MREG: variants seen among roughly 807,000 people sequenced by gnomAD.
MREG encodes the protein melanoregulin, also known as dilute suppressor protein homolog.
In MREG, 31 loss-of-function variants were observed where a neutral mutation model predicts 28.5. The observed-to-expected ratio is 1.09, with a 90% CI of 0.82 to 1.47. The LOEUF (loss-of-function observed/expected upper bound fraction) is 1.47, where lower values mean the gene tolerates loss of function less well. Ranked by LOEUF, MREG falls within the 40% of genes most tolerant of loss-of-function variation. MREG has a pLI of 0.00. For synonymous variants in MREG, 106 were observed against 95.2 expected (o/e 1.11, Z -0.66); for missense variants, 256 against 257.4 (o/e 0.99, Z 0.04).
chr2:215,998,490 G>C (rs1250143379), intron 1 of MREG, among the ~76,000 whole-genome samples: 1 of 152,120 alleles, frequency 6.6e-6, no homozygotes, highest in Non-Finnish European at 1.5e-5. Context: ...TGAAATCCTT[G>C]TGGCTGCAGG....
intron 2 of MREG, among the ~76,000 whole-genome samples, chr2:215,967,344 CTAGT>C (rs1692969694): frequency 2.0e-5 from 3 of 152,204 alleles, no homozygotes; most frequent in Non-Finnish European, 4.4e-5. Flanking sequence ...CAGAGTGGCA[CTAGT>C]CCAAGACAGG....
chr2:215,959,460 A>G (rs1692721215), intron 2 of MREG, among the ~76,000 whole-genome samples: 1 of 152,120 alleles, frequency 6.6e-6, no homozygotes, highest in African/African-American at 2.4e-5. Context: ...CCTCTGCACA[A>G]GATTCTTACT....
At chr2:215,964,581 C>T (rs1313849448) in intron 2 of MREG, among the ~76,000 whole-genome samples, 1 of 152,146 alleles carries the variant, frequency 6.6e-6, no homozygotes, top group Non-Finnish European at 1.5e-5. Context: ...ATAATATCCA[C>T]CCTATAATAA....
chr2:216,006,827 A>G (rs1472807238), intron 1 of MREG, among the ~76,000 whole-genome samples: 1 of 152,196 alleles, frequency 6.6e-6, no homozygotes, highest in Non-Finnish European at 1.5e-5. Flanking sequence ...TCCCTTTTAC[A>G]TGTTGTGAGC....
intron 2 of MREG, among the ~76,000 whole-genome samples, chr2:215,969,165 C>T (rs1214604025): frequency 1.3e-5 from 2 of 152,168 alleles, no homozygotes; most frequent in African/African-American, 4.8e-5. Flanking sequence ...GCAGCTTCTC[C>T]AAAGATGTCT....
chr2:215,974,852 A>ACACACACACACACACACACT (rs1553550318), intron 2 of MREG, among the ~76,000 whole-genome samples: 9 of 107,536 alleles, frequency 8.4e-5, no homozygotes, highest in Non-Finnish European at 1.6e-4. Context: ...ACACACACAC[A>ACACACACACACACACACACT]CTCTCTCTCT....
chr2:215,988,700 G>A (rs921465911), intron 2 of MREG, among the ~76,000 whole-genome samples: 3 of 152,216 alleles, frequency 2.0e-5, no homozygotes, highest in Non-Finnish European at 4.4e-5. Context: ...GCTCGAGCTT[G>A]GTTGGGGGAG....
At chr2:215,967,826 C>T (rs1692985974) in intron 2 of MREG, among the ~76,000 whole-genome samples, 1 of 152,070 alleles carries the variant, frequency 6.6e-6, no homozygotes, top group South Asian at 2.1e-4. Context: ...GGATTTGGCC[C>T]ATGTGTCATA....
chr2:215,949,068 ACTACTACTACTACTAC>A (rs1559173460), intron 2 of MREG, among the ~76,000 whole-genome samples: 66 of 140,624 alleles, frequency 4.7e-4, no homozygotes, highest in Middle Eastern at 3.6e-3. Context: ...TACTACTACT[ACTACTACTACTACTAC>A]TACTAATAAT....
At chr2:215,972,852 T>G (rs992726508) in intron 2 of MREG, among the ~76,000 whole-genome samples, 2 of 152,212 alleles carry the variant, frequency 1.3e-5, no homozygotes, top group African/African-American at 4.8e-5. Flanking sequence ...CAGGTTCCTC[T>G]TCCAAAATTG....
At chr2:216,021,142 T>G (rs1694514159) in intron 1 of MREG, among the ~76,000 whole-genome samples, 1 of 152,180 alleles carries the variant, frequency 6.6e-6, no homozygotes, top group Non-Finnish European at 1.5e-5. Flanking sequence ...TTTTTAGTAT[T>G]TGTCGGGCTT....
At chr2:215,978,221 A>C (rs1693310712) in intron 2 of MREG, among the ~76,000 whole-genome samples, 1 of 152,212 alleles carries the variant, frequency 6.6e-6, no homozygotes, top group Non-Finnish European at 1.5e-5. Context: ...ATCCCACAGA[A>C]ATACAAACTA....
At chr2:215,949,817 T>C (rs1692439683) in intron 2 of MREG, among the ~76,000 whole-genome samples, 1 of 152,240 alleles carries the variant, frequency 6.6e-6, no homozygotes, top group African/African-American at 2.4e-5. Flanking sequence ...ACATACAGGA[T>C]TTCACAAGCA....
chr2:215,964,116 A>G (rs551549830), intron 2 of MREG, among the ~76,000 whole-genome samples: 1 of 152,282 alleles, frequency 6.6e-6, no homozygotes, highest in South Asian at 2.1e-4. Context: ...CAGTTAGGGG[A>G]AAAAACCACA....
chr2:215,949,059 A>G (rs1559173405), intron 2 of MREG, among the ~76,000 whole-genome samples: 1 of 139,794 alleles, frequency 7.2e-6, no homozygotes, highest in Admixed American at 7.6e-5. Flanking sequence ...TACTACTACT[A>G]CTACTACTAC....
rs1460607607 is a variant in MREG, at chr2:215,945,608, G to C, written c.473C>G (p.Thr158Arg). 5.6e-6 allele frequency: 9 copies of C among 1,613,816 alleles called. No individual in the cohort carries two copies. The highest frequency in any genetic ancestry group is 7.6e-6 in the Non-Finnish European group (9 of 1,179,854). ...ATATCTCTCTGAGAGCTCCCAACTT[G>C]TTGGGAAAATATTGGTTTCTTCAGC... ...KLAEETNIFP[T>R]SWELSERYLF... Residue 158 changes from threonine to arginine, a missense_variant, in exon 4 of 5, where the codon ACA becomes AGA. Physicochemically the swap from Thr to Arg is moderately conservative, Grantham distance 71. Coordinates refer to ENST00000263268, the MANE Select transcript of MREG (RefSeq NM_018000.3).
chr2:215,957,963 G>A (rs1039978951), intron 2 of MREG, among the ~76,000 whole-genome samples: 6 of 152,058 alleles, frequency 3.9e-5, no homozygotes, highest in African/African-American at 1.4e-4. Flanking sequence ...GTAGGGACAT[G>A]GCTGAAGCTG....
At chr2:216,011,043 C>T (rs906033098) in intron 1 of MREG, among the ~76,000 whole-genome samples, 36 of 148,842 alleles carry the variant, frequency 2.4e-4, no homozygotes, top group South Asian at 2.1e-3. Flanking sequence ...TTGCAGTGAG[C>T]CGAGATCATG....
intron 1 of MREG, among the ~76,000 whole-genome samples, chr2:216,020,817 C>G (rs1694508866): frequency 6.6e-6 from 1 of 152,178 alleles, no homozygotes; most frequent in African/African-American, 2.4e-5. Flanking sequence ...TGGGCCAAAG[C>G]CCCGCAAAAC....
Sources: gnomAD v4.1 joint callset for allele counts (sites outside exome capture counted in the v4.1 genomes callset) on GRCh38, gnomAD v4.1.1 for gene constraint, MANE v1.5 for transcripts, NCBI Gene and HGNC (gene_info 2026-07-23, HGNC 2026-07-21) for gene names.